SYNE2: variants seen among roughly 807,000 people sequenced by gnomAD.
The protein encoded by SYNE2 is nesprin-2.
In SYNE2, 431 loss-of-function variants were observed where a neutral mutation model predicts 856.3. The observed-to-expected ratio is 0.50, with a 90% CI of 0.47 to 0.55. The LOEUF is 0.55. Among genes scored for constraint, SYNE2 ranks in the 20% least tolerant of loss-of-function variants. The probability of loss-of-function intolerance (pLI) is 0.00; values close to 1 mark genes in which losing one functional copy is unlikely to be tolerated. For missense variants in SYNE2, 8,129 were observed against 8,023.2 expected (o/e 1.01, Z -0.50); for synonymous variants, 2,923 against 2,872.3 (o/e 1.02, Z -0.56).
intron 11 of SYNE2, among the ~76,000 whole-genome samples, chr14:63,968,364 C>T (rs757275835): frequency 1.3e-5 from 2 of 152,022 alleles, no homozygotes; most frequent in African/African-American, 2.4e-5. Flanking sequence ...TTAGAGAAAA[C>T]GCAAGCTTAT....
chr14:64,174,040 TAAAAA>T, intron 94 of SYNE2: 1 of 598,346 alleles, frequency 1.7e-6, no homozygotes, highest in Non-Finnish European at 2.9e-6. Context: ...TAGAAAAAAA[TAAAAA>T]TAAACAAGAC....
chr14:64,077,168 C>A (rs1401769971), intron 54 of SYNE2, among the ~76,000 whole-genome samples: 1 of 152,088 alleles, frequency 6.6e-6, no homozygotes, highest in Non-Finnish European at 1.5e-5. Context: ...TTGTGTGATA[C>A]AGCTAAAGGA....
At chr14:64,098,248 G>A in intron 62 of SYNE2, 102 bp downstream of exon 62, 1 of 1,270,328 alleles carries the variant, frequency 7.9e-7, no homozygotes, top group Non-Finnish European at 1.1e-6. Flanking sequence ...TCTATGGCCT[G>A]TAGTAAAGGA....
In SYNE2 at chr14:64,003,092, A is replaced by G. The variant is rs1027481435; in HGVS notation, c.4159A>G (p.Ser1387Gly). The change falls in exon 30 of 116, where the codon AGC becomes GGC. Residue 1387 changes from serine (S) to glycine (G), a missense_variant. Physicochemically the swap from Ser to Gly is moderately conservative, Grantham distance 56 (BLOSUM62 0). Coordinates refer to ENST00000555002, the MANE Select transcript of SYNE2 (RefSeq NM_182914.3). ...TAAATGTTTGAAGATGCTCGATATG[A>G]GCTTTAAAGATGCTGAACGGGGTGA... ...LDKCLKMLDM[S>G]FKDAERGDDT... is the part of the protein sequence containing the mutation. 6 of 1,614,190 alleles carry G rather than the reference A, an allele frequency of 3.7e-6. No homozygotes were observed. Among genetic ancestry groups the G allele is most frequent in the Non-Finnish European group, 5.1e-6 (6 of 1,180,020 alleles).
At chr14:63,895,162 T>C (rs2153281109) in intron 1 of SYNE2, among the ~76,000 whole-genome samples, 1 of 151,572 alleles carries the variant, frequency 6.6e-6, no homozygotes, top group African/African-American at 2.4e-5. Context: ...TGGTGTGCAG[T>C]GGCATGATCT....
At chr14:63,961,300 G>C (rs1044284206) in intron 8 of SYNE2, among the ~76,000 whole-genome samples, 1 of 152,168 alleles carries the variant, frequency 6.6e-6, no homozygotes, top group African/African-American at 2.4e-5. Context: ...GCACATACTA[G>C]TGCCAGGATT....
intron 2 of SYNE2, among the ~76,000 whole-genome samples, chr14:63,926,045 T>C (rs2095660518): frequency 6.6e-6 from 1 of 151,972 alleles, no homozygotes; most frequent in Non-Finnish European, 1.5e-5. Context: ...GGTTTCACCA[T>C]GTTGCCCAGA....
intron 47 of SYNE2, 124 bp downstream of exon 47, chr14:64,050,000 A>T (rs2097212960): frequency 8.6e-7 from 1 of 1,160,568 alleles, no homozygotes; most frequent in African/African-American, 1.6e-5. Context: ...AAACCACAGG[A>T]TGGAATGTTA....
At chr14:64,115,842 A>G (rs1431489652) in intron 66 of SYNE2, among the ~76,000 whole-genome samples, 1 of 152,182 alleles carries the variant, frequency 6.6e-6, no homozygotes, top group Non-Finnish European at 1.5e-5. Flanking sequence ...TGGCCAAAGG[A>G]CAGGAGCAAA....
intron 1 of SYNE2, among the ~76,000 whole-genome samples, chr14:63,841,974 A>C (rs1442606063): frequency 1.3e-5 from 2 of 151,220 alleles, no homozygotes; most frequent in Non-Finnish European, 2.9e-5. Context: ...CTGGGACTAC[A>C]GGCACCCACC....
intron 2 of SYNE2, among the ~76,000 whole-genome samples, chr14:63,909,693 T>C (rs751380476): frequency 6.6e-5 from 10 of 152,054 alleles, no homozygotes; most frequent in Non-Finnish European, 1.2e-4. Context: ...AATACAAAAT[T>C]AGCCAGGTGT....
At chr14:63,873,507 T>G (rs1371263228) in intron 1 of SYNE2, 1 of 152,474 alleles carries the variant, frequency 6.6e-6, no homozygotes, top group South Asian at 2.1e-4. Flanking sequence ...GCGATTCTTT[T>G]GCCTCAGCCT....
chr14:63,851,976 G>GC (rs1491399719), upstream of SYNE2, among the ~76,000 whole-genome samples: 2 of 2,418 alleles, frequency 8.3e-4, no homozygotes, highest in African/African-American at 1.8e-3. Flanking sequence ...GCTACTAAGC[G>GC]GGGGGGGGGG....
At position 64,146,209 on chromosome 14, in the gene SYNE2, C is replaced by G; in HGVS notation, c.15625C>G (p.Leu5209Val). Residue 5209 changes from leucine to valine, a missense_variant, in exon 84 of 116, where the codon CTC becomes GTC. By Grantham distance (32) the Leu-to-Val change is conservative. This residue lies in a region of SYNE2 where 5,410 missense variants were observed against 5,284.8 expected (regional missense o/e 1.02). Transcript: ENST00000555002. Reference protein sequence around the residue: ...PESVISVQKLLLDCQDIENQL... With the variant: ...PESVISVQKLVLDCQDIENQL... ...AAGTGTGATCTCAGTGCAGAAGCTG[C>G]TCCTGGACTGTCAGGTGAGGAGGGG... 1 of 1,609,532 alleles carries G rather than the reference C, an allele frequency of 6.2e-7. No homozygotes were observed. The highest frequency in any genetic ancestry group is 8.5e-7 in the Non-Finnish European group (1 of 1,178,220).
chr14:63,922,007 T>G (rs1020240242), intron 2 of SYNE2, among the ~76,000 whole-genome samples: 1 of 152,320 alleles, frequency 6.6e-6, no homozygotes, highest in East Asian at 1.9e-4. Context: ...GATGTTTTGT[T>G]TTATTTTATT....
At chr14:64,143,409 G>A (rs1490635116) in intron 82 of SYNE2, among the ~76,000 whole-genome samples, 1 of 152,198 alleles carries the variant, frequency 6.6e-6, no homozygotes, top group Non-Finnish European at 1.5e-5. Flanking sequence ...CCATCTGGTT[G>A]TTTCCGTGAG....
At chr14:64,160,777 C>G (rs2098323192) in intron 87 of SYNE2, among the ~76,000 whole-genome samples, 2 of 152,248 alleles carry the variant, frequency 1.3e-5, no homozygotes, top group Middle Eastern at 3.4e-3. Context: ...TCTTTATATT[C>G]TTTGACTCTG....
chr14:64,159,258 T>C (rs2098310189), intron 86 of SYNE2, 54 bp from the exon 87 acceptor site: 1 of 1,612,040 alleles, frequency 6.2e-7, no homozygotes, highest in Non-Finnish European at 8.5e-7. Flanking sequence ...TGCCACCTTC[T>C]TTGGAAGTAG....
At chr14:64,083,371 T>C (rs1341936836) in intron 57 of SYNE2, among the ~76,000 whole-genome samples, 1 of 145,412 alleles carries the variant, frequency 6.9e-6, no homozygotes, top group African/African-American at 2.6e-5. Context: ...GGAATGATGC[T>C]TTTTTTTTTT....
Sources: allele counts gnomAD v4.1 joint callset (sites outside exome capture counted in the v4.1 genomes callset), GRCh38; gene constraint gnomAD v4.1.1; regional missense constraint gnomAD v4.1.1; transcripts MANE v1.5; gene names NCBI Gene and HGNC (gene_info 2026-07-23, HGNC 2026-07-21).